The following TOP1MT variants were observed in gnomAD, a reference collection of about 807,000 sequenced individuals.
TOP1MT encodes the protein DNA topoisomerase I, mitochondrial.
In TOP1MT, 80 loss-of-function variants were observed where a neutral mutation model predicts 73.9. The observed-to-expected ratio is 1.08, with a 90% CI of 0.90 to 1.30. The LOEUF is 1.30. TOP1MT is among the 50% of genes most tolerant of loss of function. The pLI, the probability that TOP1MT is intolerant of heterozygous loss-of-function variation, is 0.00. For synonymous variants in TOP1MT, 338 were observed against 326.4 expected, an observed-to-expected ratio of 1.04 and a Z score of -0.38; for missense variants, 815 against 808.0, an observed-to-expected ratio of 1.01 and a Z score of -0.10.
At chr8:143,330,267 A>G (rs1816816842) in intron 2 of TOP1MT, among the ~76,000 whole-genome samples, 1 of 152,118 alleles carries the variant, frequency 6.6e-6, no homozygotes, top group African/African-American at 2.4e-5. Flanking sequence ...ACTGTCCACC[A>G]TGGCCCTGCA....
At chr8:143,336,254 A>G (rs1466768387), upstream of TOP1MT, among the ~76,000 whole-genome samples, 1 of 152,066 alleles carries the variant, frequency 6.6e-6, no homozygotes, top group Non-Finnish European at 1.5e-5. Flanking sequence ...TGGCCTCCCA[A>G]AGTGCTGGGA....
chr8:143,332,455 C>T (rs749220361), intron 1 of TOP1MT: 440 of 1,281,494 alleles, frequency 3.4e-4, no homozygotes, highest in Non-Finnish European at 4.1e-4. Context: ...CCCAGACGCA[C>T]AAGGACAGAA....
At chr8:143,322,366 A>T in intron 7 of TOP1MT, among the ~76,000 whole-genome samples, 1 of 94,156 alleles carries the variant, frequency 1.1e-5, no homozygotes, top group Non-Finnish European at 2.2e-5. Flanking sequence ...CACGCCACAC[A>T]CACAGGCACG....
chr8:143,353,733 A>C (rs1320961992), intron 1 of TOP1MT, among the ~76,000 whole-genome samples: 1 of 151,958 alleles, frequency 6.6e-6, no homozygotes, highest in Non-Finnish European at 1.5e-5. Flanking sequence ...CTGAACCAAC[A>C]CTTTGGGATC....
intron 12 of TOP1MT, among the ~76,000 whole-genome samples, chr8:143,312,662 A>G (rs1165686694): frequency 1.3e-5 from 2 of 152,216 alleles, no homozygotes; most frequent in Admixed American, 6.5e-5. Flanking sequence ...GAACAAGGCA[A>G]GGCTGCCCAC....
chr8:143,322,653 A>ACCACACGCACG (rs1816502547), intron 7 of TOP1MT, among the ~76,000 whole-genome samples: 2 of 65,430 alleles, frequency 3.1e-5, no homozygotes, highest in Non-Finnish European at 5.5e-5. Context: ...CCACACGCAC[A>ACCACACGCACG]CCACACACGC....
At chr8:143,316,239 A>T in intron 10 of TOP1MT, 113 bp from the exon 11 acceptor site, 1 of 1,519,706 alleles carries the variant, frequency 6.6e-7, no homozygotes. Flanking sequence ...TCACACAGGC[A>T]CCCACTGGGA....
chr8:143,350,104 C>T (rs1037899763), intron 1 of TOP1MT: 1 of 152,250 alleles, frequency 6.6e-6, no homozygotes, highest in Non-Finnish European at 1.5e-5. Flanking sequence ...GACAGCACAT[C>T]GTTTCACCCA....
upstream of TOP1MT, among the ~76,000 whole-genome samples, chr8:143,357,542 G>A (rs547959598): frequency 1.3e-4 from 20 of 152,272 alleles, no homozygotes; most frequent in Admixed American, 1.0e-3. Context: ...CAGCACTTTG[G>A]GAGGCTGAGG....
At chr8:143,353,718 C>T (rs1219069718) in intron 1 of TOP1MT, among the ~76,000 whole-genome samples, 1 of 152,020 alleles carries the variant, frequency 6.6e-6, no homozygotes, top group Non-Finnish European at 1.5e-5. Context: ...CATGGTGGCT[C>T]ATGCCTGAAC....
rs751093293 is a variant in TOP1MT at position 143,321,342 on chromosome 8, G to A, written c.1005C>T (p.Ala335=). ...GGAGGGAACAGCAGCCCACGGTGTC[G>A]GCCGCCTCACCGTCCTCCTTCTCAT... is the stretch of plus-strand genomic sequence containing the variant. ...AGNEKEDGEA[A]DTVGCCSLRV... is the part of the protein sequence containing the mutation. The change falls in exon 8 of 14, where the codon GCC becomes GCT. Residue 335 remains alanine, a synonymous_variant. Coordinates refer to ENST00000329245, the MANE Select transcript of TOP1MT (RefSeq NM_052963.3). 15 of 1,600,134 alleles carry A rather than the reference G, an allele frequency of 9.4e-6. No homozygotes were observed. Among genetic ancestry groups the A allele is most frequent in the Middle Eastern group, 1.7e-4 (1 of 6,006 alleles).
upstream of TOP1MT, among the ~76,000 whole-genome samples, chr8:143,346,500 T>G (rs1023486243): frequency 6.6e-5 from 10 of 152,222 alleles, no homozygotes; most frequent in African/African-American, 2.4e-4. Context: ...GAAAGGGGGC[T>G]GTGCTGGGTA....
In TOP1MT at chr8:143,324,017, G is replaced by A. The variant is rs760294605; in HGVS notation, c.942C>T (p.Ala314=). The change falls in exon 7 of 14, where the codon GCC becomes GCT. Residue 314 remains alanine, a synonymous_variant. Transcript: ENST00000329245. ...CGCATACCTTATCGATGAAATACAGGGCCACCGCCCGCTGTCTCGTCTTCA... is the reference window on the plus strand; with the variant it reads ...CGCATACCTTATCGATGAAATACAGAGCCACCGCCCGCTGTCTCGTCTTCA... ...REMKTRQRAV[A]LYFIDKLALR... is the part of the protein sequence containing the mutation. 9 of 1,613,740 alleles carry A rather than the reference G, an allele frequency of 5.6e-6. No individual in the cohort carries two copies. In the East Asian group the frequency reaches 2.0e-4, roughly 36 times the overall value.
chr8:143,325,977 C>T (rs1210264452), intron 4 of TOP1MT, among the ~76,000 whole-genome samples: 5 of 152,242 alleles, frequency 3.3e-5, no homozygotes, highest in African/African-American at 7.2e-5. Context: ...CACGGCCCGT[C>T]TGGGAACCCA....
intron 7 of TOP1MT, among the ~76,000 whole-genome samples, chr8:143,322,023 C>T (rs1816429530): frequency 8.2e-6 from 1 of 122,026 alleles, no homozygotes; most frequent in Non-Finnish European, 1.7e-5. Context: ...GCCACACCCA[C>T]AGGCACGCCA....
chr8:143,322,085 G>C (rs200997524), intron 7 of TOP1MT, among the ~76,000 whole-genome samples: 8 of 28,514 alleles, frequency 2.8e-4, no homozygotes, highest in Admixed American at 1.2e-3. Flanking sequence ...GCCACACACA[G>C]GCATGCCAAA....
rs748359888 is a variant in TOP1MT, at chr8:143,342,776, C to CTATTATTATTATTATTATTAT, written c.29+423_29+443dup. On this transcript the variant is annotated intron_variant, in intron 2 of 5. Transcript: ENST00000518007. ...TTATTATTAGAGACAGAGTCTTGCT[C>CTATTATTATTATTATTATTAT]TATTATTATTATTATTATTATTATT... Among the ~76,000 whole-genome samples the CTATTATTATTATTATTATTAT allele has an allele frequency of 3.1e-3, 243 of 78,770 alleles. 3 individuals carry two copies. Among genetic ancestry groups the CTATTATTATTATTATTATTAT allele is most frequent in the Admixed American group, 4.2e-3 (29 of 6,948 alleles). The allele number at this position is 78,770 out of a possible 152,430, so 51.7% of individuals were successfully genotyped here. A position where few individuals can be genotyped will look rare whatever the true frequency, so the allele number is the denominator to read the frequency against.
chr8:143,342,826 C>A (rs888294782), intron 2 of TOP1MT, among the ~76,000 whole-genome samples: 2 of 113,618 alleles, frequency 1.8e-5, no homozygotes, highest in African/African-American at 6.5e-5. Context: ...GCTCTGTCAC[C>A]CAGGCTGGAG....
Position 143,325,503 on chromosome 8 carries a change from G to C in TOP1MT, c.514C>G (p.Gln172Glu). ...TCTAAAATACAGTAGCCGAACTCTT[G>C]CTGAAGTTTTTCTGCCTCTTCTTTT... is the stretch of plus-strand genomic sequence containing the variant. ...KLKEEAEKLQ[Q>E]EFGYCILDGH... Residue 172 changes from glutamine (Q) to glutamate (E), a missense_variant, in exon 5 of 14, where the codon CAA becomes GAA. Coordinates refer to ENST00000329245, the MANE Select transcript of TOP1MT (RefSeq NM_052963.3). The C allele has an allele frequency of 1.2e-6, 2 of 1,610,428 alleles. No individual in the cohort carries two copies. The highest frequency in any genetic ancestry group is 1.7e-6 in the Non-Finnish European group (2 of 1,176,942).
Sources: gnomAD v4.1 joint callset for allele counts (sites outside exome capture counted in the v4.1 genomes callset) on GRCh38, gnomAD v4.1.1 for gene constraint, MANE v1.5 for transcripts, NCBI Gene and HGNC (gene_info 2026-07-23, HGNC 2026-07-21) for gene names.